Variants in SPTAN1 observed in about 807,000 individuals in gnomAD.
SPTAN1 encodes the protein spectrin alpha, non-erythrocytic 1.
A neutral mutation model predicts 331.3 loss-of-function variants in SPTAN1; 61 were observed. That is an observed-to-expected ratio of 0.18 (90% confidence interval 0.15 to 0.23). The LOEUF (loss-of-function observed/expected upper bound fraction) is 0.23, where lower values mean the gene tolerates loss of function less well. Ranked by LOEUF, SPTAN1 falls within the 10% of genes least tolerant of loss-of-function variation. The probability of loss-of-function intolerance (pLI) is 1.00; values close to 1 mark genes in which losing one functional copy is unlikely to be tolerated. For missense variants in SPTAN1, 2,043 were observed against 3,147.9 expected (o/e 0.65, Z 8.40); for synonymous variants, 1,153 against 1,173.9 (o/e 0.98, Z 0.36).
In SPTAN1 at chr9:128,626,607, C is replaced by A; in HGVS notation, c.6496C>A (p.Arg2166Ser). 1 of 1,613,956 alleles carries A rather than the reference C, an allele frequency of 6.2e-7. No individual in the cohort carries two copies. Among genetic ancestry groups the A allele is most frequent in the South Asian group, 1.1e-5 (1 of 91,080 alleles). The change falls in exon 49 of 57, where the codon CGC (arginine) becomes AGC (serine). Residue 2166 changes from arginine to serine, a missense_variant. By Grantham distance (110) the Arg-to-Ser change is moderately radical. This residue lies in a region of SPTAN1 where 256 missense variants were observed against 376.4 expected (regional missense o/e 0.68). Transcript: ENST00000372739. ...GCTGGACCGCCAGATCAAGAGCTTCCGCGTAGCCTCCAACCCCTACACCTG... is the reference window on the plus strand; with the variant it reads ...GCTGGACCGCCAGATCAAGAGCTTCAGCGTAGCCTCCAACCCCTACACCTG... ...AELDRQIKSFRVASNPYTWFT... is the reference protein window; with the variant it reads ...AELDRQIKSFSVASNPYTWFT...
At chr9:128,633,105 C>CA in intron 56 of SPTAN1, 104 bp from the exon 57 acceptor site, 2 of 1,598,668 alleles carry the variant, frequency 1.3e-6, no homozygotes, top group Non-Finnish European at 1.7e-6. Context: ...CCCGGATCTG[C>CA]TTGTAGAAGC....
intron 45 of SPTAN1, among the ~76,000 whole-genome samples, chr9:128,624,065 G>A (rs563759263): frequency 8.1e-4 from 112 of 138,476 alleles, no homozygotes; most frequent in African/African-American, 2.4e-3. Flanking sequence ...CCTGGGCGAC[G>A]GAGTGAAATT....
At chr9:128,626,024 A>G (rs1454537983) in intron 48 of SPTAN1, 46 bp downstream of exon 48, 8 of 1,606,094 alleles carry the variant, frequency 5.0e-6, no homozygotes, top group Middle Eastern at 4.0e-4. Flanking sequence ...CAGCTCAAGG[A>G]AGGACGCCCA....
At chr9:128,626,336 G>T in intron 48 of SPTAN1, 55 bp from the exon 49 acceptor site, 1 of 1,604,094 alleles carries the variant, frequency 6.2e-7, no homozygotes, top group Non-Finnish European at 8.5e-7. Flanking sequence ...CTCCTGCACT[G>T]CGTCGGCACG....
Position 128,586,716 on chromosome 9 carries a change from T to C in SPTAN1, c.2778+751T>C, listed in dbSNP as rs188938153. 3.5e-3 allele frequency among the ~76,000 whole-genome samples: 529 copies of C among 152,348 alleles called. 2 individuals carry two copies. The highest frequency in any genetic ancestry group is 0.012 in the African/African-American group (482 of 41,582). Reference sequence around the variant, plus strand: ...TTGGTTTTTTACTGGTTATCTGTTTTTTGACTAAAATTCTCAAATTTTATT... The same window carrying C: ...TTGGTTTTTTACTGGTTATCTGTTTCTTGACTAAAATTCTCAAATTTTATT... On this transcript the variant is annotated intron_variant, in intron 19 of 56. Transcript: ENST00000372739.
At chr9:128,601,014 C>T (rs1294785409) in intron 27 of SPTAN1, among the ~76,000 whole-genome samples, 30 of 33,462 alleles carry the variant, frequency 9.0e-4, no homozygotes, top group African/African-American at 1.9e-3. Flanking sequence ...GACGGAGTCT[C>T]GCTCTGTTGC....
rs538068744 is a variant in SPTAN1, at chr9:128,611,953, A to G, written c.4905+108A>G. On this transcript the variant is annotated intron_variant, in intron 38 of 56. Transcript: ENST00000372739. ...TCTTAAGACACTAAATGGATTATAG[A>G]AGACTTTAGGCTGAATTACAGATGG... 8.4e-4 allele frequency: 1,349 copies of G among 1,603,938 alleles called. 2 individuals are homozygous for G. The highest frequency in any genetic ancestry group is 1.0e-3 in the Non-Finnish European group (1,208 of 1,172,904).
chr9:128,575,526 T>C (rs1851200688), intron 5 of SPTAN1, among the ~76,000 whole-genome samples, 181 bp downstream of exon 5: 1 of 152,234 alleles, frequency 6.6e-6, no homozygotes, highest in Admixed American at 6.5e-5. Flanking sequence ...TGGAAAATGC[T>C]TTTCAATGTG....
At chr9:128,582,645 C>T in intron 13 of SPTAN1, 49 bp from the exon 14 acceptor site, 2 of 1,611,208 alleles carry the variant, frequency 1.2e-6, no homozygotes, top group African/African-American at 1.3e-5. Flanking sequence ...AACTGGATAT[C>T]CCTTTGGGAG....
rs776794393 is a variant in SPTAN1, at chr9:128,625,777, T to C, written c.6078T>C (p.Phe2026=). ...VQTLLTKQET[F]DAGLQAFQQE... ...TGTCACTCCTTGTTCAGGAAACTTT[T>C]GACGCTGGGCTGCAGGCCTTCCAGC... The change falls in exon 48 of 57, where the codon TTT becomes TTC. Residue 2026 remains phenylalanine, a synonymous_variant. Coordinates refer to ENST00000372739, the MANE Select transcript of SPTAN1 (RefSeq NM_001130438.3). The surrounding 1 kb of genome is among the most constrained non-coding windows in gnomAD (Gnocchi z 4.1). 1.6e-5 allele frequency: 26 copies of C among 1,614,088 alleles called. No individual in the cohort carries two copies. The highest frequency in any genetic ancestry group is 3.3e-4 in the Middle Eastern group (2 of 6,062).
At chr9:128,599,541 T>C in intron 26 of SPTAN1, 1 of 178,976 alleles carries the variant, frequency 5.6e-6, no homozygotes, top group Non-Finnish European at 1.2e-5. Context: ...AGGGTCTTGC[T>C]TTGTTGCCCA....
chr9:128,574,086 G>T (rs1851033435), intron 3 of SPTAN1, among the ~76,000 whole-genome samples: 1 of 152,064 alleles, frequency 6.6e-6, no homozygotes, highest in Admixed American at 6.5e-5. Flanking sequence ...AGATTTTCCT[G>T]TTGTGCCTCA....
chr9:128,602,638 T>G (rs183627578), intron 27 of SPTAN1, among the ~76,000 whole-genome samples: 19 of 151,894 alleles, frequency 1.3e-4, no homozygotes, highest in Admixed American at 3.3e-4. Context: ...TATTTGTATT[T>G]TATTTATTTA....
In SPTAN1 at chr9:128,628,460, G is replaced by T. The variant is rs1413999451; in HGVS notation, c.6707+518G>T. On this transcript the variant is annotated intron_variant, in intron 51 of 56. Transcript: ENST00000372739. ...CTTTACTTTCCTGGGGTCAGGGAGG[G>T]TAACAAGACTGTCCGCCCTAATAGA... is the stretch of plus-strand genomic sequence containing the variant. The T allele has an allele frequency of 1.2e-5, 4 of 335,720 alleles. No individual in the cohort carries two copies. The East Asian group carries it at 3.1e-4, about 26-fold the overall frequency. 20.8% of individuals were successfully genotyped at this position (335,720 alleles called of 1,614,324 possible).
Position 128,604,408 on chromosome 9 carries a change from G to A in SPTAN1, c.3710G>A (p.Arg1237Lys). 6.2e-7 allele frequency: 1 copy of A among 1,613,464 alleles called. No homozygotes were observed. Residue 1237 changes from arginine to lysine, a missense_variant, in exon 29 of 57, where the codon AGG becomes AAG. This residue lies in a region of SPTAN1 where 42 missense variants were observed against 106.0 expected (regional missense o/e 0.40). Coordinates refer to ENST00000372739, the MANE Select transcript of SPTAN1 (RefSeq NM_001130438.3). The stretch of plus-strand genomic sequence containing the variant: ...TTGGGCAGCGCCCATGAAGTACAGA[G>A]GTTCCACAGGTGAGGGGTCAGCCCT... Reference protein sequence around the residue: ...QLLGSAHEVQRFHRDADETKE... With the variant: ...QLLGSAHEVQKFHRDADETKE...
intron 54 of SPTAN1, 29 bp from the exon 55 acceptor site, chr9:128,632,543 G>A: frequency 8.1e-6 from 13 of 1,614,142 alleles, no homozygotes; most frequent in Admixed American, 1.7e-5. Context: ...AGGGCTGCCT[G>A]CTGAGCCGCC....
chr9:128,617,984 C>T lies in SPTAN1; in HGVS notation c.5479-3C>T, dbSNP rs1464939078. The T allele has an allele frequency of 1.9e-6, 3 of 1,614,166 alleles. No individual in the cohort carries two copies. Among genetic ancestry groups the T allele is most frequent in the Non-Finnish European group, 2.5e-6 (3 of 1,180,030 alleles). The stretch of plus-strand genomic sequence containing the variant: ...TGTTAACCTCCTCGTCCTTGCCTGT[C>T]AGGGTGTCCTGGACACTGGCAAGAA... On this transcript the variant is annotated splice_polypyrimidine_tract_variant and splice_region_variant and intron_variant, in intron 42 of 56. Coordinates refer to ENST00000372739, the MANE Select transcript of SPTAN1 (RefSeq NM_001130438.3).
chr9:128,583,675 A>C, intron 15 of SPTAN1, 113 bp from the exon 16 acceptor site: 3 of 1,127,028 alleles, frequency 2.7e-6, no homozygotes, highest in Non-Finnish European at 2.6e-6. Flanking sequence ...ACATAAGTGA[A>C]GGAATAAAAT....
chr9:128,599,138 G>T (rs956609140), intron 26 of SPTAN1, 152 bp downstream of exon 26: 3 of 830,538 alleles, frequency 3.6e-6, no homozygotes, highest in African/African-American at 3.4e-5. Context: ...TCCAAAAATT[G>T]ATTTCTTTTT....
Sources: allele counts gnomAD v4.1 joint callset (sites outside exome capture counted in the v4.1 genomes callset), GRCh38; gene constraint gnomAD v4.1.1; regional missense constraint gnomAD v4.1.1; non-coding constraint Gnocchi (gnomAD v3.1); transcripts MANE v1.5; gene names NCBI Gene and HGNC (gene_info 2026-07-23, HGNC 2026-07-21).